The following TIAM2 variants were observed in gnomAD, a reference collection of about 807,000 sequenced individuals.
TIAM2 encodes rho guanine nucleotide exchange factor TIAM2.
TIAM2 carries 80 observed loss-of-function variants against 152.9 expected under a neutral mutation model. The ratio of observed to expected loss-of-function variants is 0.52; its 90% CI spans 0.44 to 0.63. The LOEUF is 0.63. TIAM2 is among the 30% of genes least tolerant of loss of function. The pLI, the probability that TIAM2 is intolerant of heterozygous loss-of-function variation, is 0.00. For synonymous variants in TIAM2, 804 were observed against 838.0 expected (o/e 0.96, Z 0.70); for missense variants, 1,965 against 2,120.1 (o/e 0.93, Z 1.44).
At chr6:155,119,104 G>A (rs1019125825) in intron 2 of TIAM2, among the ~76,000 whole-genome samples, 2 of 150,590 alleles carry the variant, frequency 1.3e-5, no homozygotes, top group Admixed American at 6.6e-5. Flanking sequence ...GCGCGATCTC[G>A]GCTCACTACA....
intron 15 of TIAM2, among the ~76,000 whole-genome samples, chr6:155,234,306 TATTTACTTTTAGAG>T (rs1392951278): frequency 1.3e-5 from 2 of 152,216 alleles, no homozygotes; most frequent in Non-Finnish European, 2.9e-5. Context: ...TGCTTTTATT[TATTTACTTTTAGAG>T]ATAGAGCCTC....
chr6:155,159,783 A>ATTC (rs34966623), intron 7 of TIAM2, among the ~76,000 whole-genome samples: 70,622 of 151,748 alleles, frequency 0.47, 16,877 homozygotes, highest in East Asian at 0.55. Flanking sequence ...TTTCATATTG[A>ATTC]TTATTTAACC....
chr6:155,173,638 A>C (rs1780689450), intron 9 of TIAM2, among the ~76,000 whole-genome samples: 1 of 152,184 alleles, frequency 6.6e-6, no homozygotes, highest in Admixed American at 6.5e-5. Flanking sequence ...CCAGCTCAGC[A>C]CTGAAGTTTT....
chr6:155,000,358 C>T (rs1778292251), intron 1 of TIAM2, among the ~76,000 whole-genome samples: 1 of 151,780 alleles, frequency 6.6e-6, no homozygotes, highest in Non-Finnish European at 1.5e-5. Context: ...ATGGAGAAAC[C>T]CCGTCTTTAC....
At chr6:155,017,098 C>G (rs985215926) in intron 1 of TIAM2, among the ~76,000 whole-genome samples, 3 of 152,060 alleles carry the variant, frequency 2.0e-5, no homozygotes, top group African/African-American at 7.2e-5. Context: ...AAGTTCGAGA[C>G]TAGAATTCCT....
intron 1 of TIAM2, among the ~76,000 whole-genome samples, chr6:155,070,492 C>T (rs1388218188): frequency 6.6e-6 from 1 of 152,120 alleles, no homozygotes; most frequent in Non-Finnish European, 1.5e-5. Flanking sequence ...GCTGGGATTA[C>T]AGGCATGAGC....
intron 1 of TIAM2, among the ~76,000 whole-genome samples, chr6:155,047,718 A>AGC (rs1777225178): frequency 2.4e-5 from 3 of 124,844 alleles, no homozygotes; most frequent in African/African-American, 9.1e-5. Flanking sequence ...AGAGAGAGAG[A>AGC]GAGAGAGCGA....
chr6:155,213,558 A>G lies in TIAM2; in HGVS notation c.3168+2251A>G, dbSNP rs972875686. Among the ~76,000 whole-genome samples the G allele has an allele frequency of 2.0e-5, 3 of 152,202 alleles. No individual in the cohort carries two copies. The highest frequency in any genetic ancestry group is 2.9e-5 in the Non-Finnish European group (2 of 68,040). ...CATGAGCAGACCCAGAAAAAGCTCCATAAGTTCCCACTCTGGTCTGTGGGA... is the reference window on the plus strand; with the variant it reads ...CATGAGCAGACCCAGAAAAAGCTCCGTAAGTTCCCACTCTGGTCTGTGGGA... On this transcript the variant is annotated intron_variant, in intron 15 of 26. Transcript: ENST00000682666. The surrounding 1 kb of genome is among the most constrained non-coding windows in gnomAD (Gnocchi z 4.2).
chr6:155,063,122 A>AT (rs149662143), intron 1 of TIAM2, among the ~76,000 whole-genome samples: 14,557 of 149,890 alleles, frequency 0.097, 909 homozygotes, highest in East Asian at 0.24. Flanking sequence ...GTGACTTGTC[A>AT]TTTTTTTTTT....
At chr6:155,109,528 T>C (rs1187572225) in intron 2 of TIAM2, among the ~76,000 whole-genome samples, 2 of 152,254 alleles carry the variant, frequency 1.3e-5, no homozygotes, top group African/African-American at 2.4e-5. Context: ...TGTCTGACTG[T>C]TGAATTCTAT....
chr6:155,028,806 CTA>C (rs1267247428), intron 1 of TIAM2, among the ~76,000 whole-genome samples: 1 of 130,250 alleles, frequency 7.7e-6, no homozygotes, highest in Non-Finnish European at 1.5e-5. Flanking sequence ...GTGTTATATA[CTA>C]TATATAATAT....
intron 2 of TIAM2, among the ~76,000 whole-genome samples, chr6:155,124,753 C>T (rs1779251798): frequency 6.6e-6 from 1 of 152,130 alleles, no homozygotes; most frequent in Non-Finnish European, 1.5e-5. Context: ...CAGCTGCCTA[C>T]TAAAAGGTAG....
In TIAM2 at chr6:155,047,716, A is replaced by C. The variant is rs1422499673; in HGVS notation, c.-208-42573A>C. The stretch of plus-strand genomic sequence containing the variant: ...GAGAGAGAGAGAGAGCGAGAGAGAG[A>C]GAGAGAGAGCGAGAGAGAGAGAGAG... On this transcript the variant is annotated intron_variant, in intron 1 of 26. Coordinates refer to ENST00000682666, the MANE Select transcript of TIAM2 (RefSeq NM_012454.4). Among the ~76,000 whole-genome samples the C allele has an allele frequency of 9.6e-3, 1,315 of 136,570 alleles. 69 individuals carry two copies. Among genetic ancestry groups the C allele is most frequent in the African/African-American group, 0.011 (403 of 36,740 alleles). The allele number at this position is 136,570 out of a possible 152,430, so 89.6% of individuals were successfully genotyped here. A position where few individuals can be genotyped will look rare whatever the true frequency, so the allele number is the denominator to read the frequency against.
chr6:155,019,829 C>T (rs1217421712), intron 1 of TIAM2, among the ~76,000 whole-genome samples: 8 of 152,080 alleles, frequency 5.3e-5, no homozygotes, highest in Non-Finnish European at 8.8e-5. Context: ...CCGAGGCGGG[C>T]GGATCACGAG....
chr6:155,250,156 G>GT (rs1474976587), intron 21 of TIAM2, among the ~76,000 whole-genome samples, 187 bp downstream of exon 21: 1 of 152,102 alleles, frequency 6.6e-6, no homozygotes, highest in Non-Finnish European at 1.5e-5. Context: ...CATTACACTG[G>GT]TTTAAAATAT....
rs1562316893 is a variant in TIAM2, at chr6:155,104,040, A to ACACCC, written c.-118+13662_-118+13663insACCCC. On this transcript the variant is annotated intron_variant, in intron 2 of 26. Transcript: ENST00000682666. ...TTCTGTATTTACCTCACACACACACACCCCCCCCCCCACACCCCCACACAC... is the reference window on the plus strand; with the variant it reads ...TTCTGTATTTACCTCACACACACACACACCCCCCCCCCCCCCACACCCCCACACAC... 5.3e-3 allele frequency among the ~76,000 whole-genome samples: 304 copies of ACACCC among 57,660 alleles called. 32 individuals carry two copies. Among genetic ancestry groups the ACACCC allele is most frequent in the African/African-American group, 6.3e-3 (82 of 12,980 alleles). The allele number at this position is 57,660 out of a possible 152,430, so 37.8% of individuals were successfully genotyped here.
rs1258385347 is a variant in TIAM2 at position 155,252,801 on chromosome 6, A to G, written c.4120-147A>G. On this transcript the variant is annotated intron_variant, in intron 23 of 26. Coordinates refer to ENST00000682666, the MANE Select transcript of TIAM2 (RefSeq NM_012454.4). ...TGAGGTCTTTGAGAACTGGGTGCGT[A>G]GCTGATTGACTTCTGTGCCCTGAAC... 6.2e-6 allele frequency: 4 copies of G among 649,012 alleles called. No homozygotes were observed. The South Asian group carries it at 7.8e-5, about 13-fold the overall frequency. 40.2% of individuals were successfully genotyped at this position (649,012 alleles called of 1,614,324 possible).
chr6:155,137,588 A>C lies in TIAM2; in HGVS notation c.1606A>C (p.Lys536Gln). 6.2e-7 allele frequency: 1 copy of C among 1,603,972 alleles called. No homozygotes were observed. Among genetic ancestry groups the C allele is most frequent in the Non-Finnish European group, 8.5e-7 (1 of 1,178,586 alleles). ...TGAGCTGGTGGCACGAAGGAAATGGAAACAGTACTGGGTAACGCTGAAAGG... is the reference window on the plus strand; with the variant it reads ...TGAGCTGGTGGCACGAAGGAAATGGCAACAGTACTGGGTAACGCTGAAAGG... ...KLELVARRKW[K>Q]QYWVTLKGCT... Residue 536 changes from lysine (K) to glutamine (Q), a missense_variant, in exon 5 of 27, where the codon AAA becomes CAA. Lys to Gln is a moderately conservative substitution (Grantham distance 53). Coordinates refer to ENST00000682666, the MANE Select transcript of TIAM2 (RefSeq NM_012454.4).
chr6:155,191,519 C>T (rs1006918122), intron 14 of TIAM2, among the ~76,000 whole-genome samples: 4 of 152,078 alleles, frequency 2.6e-5, no homozygotes, highest in East Asian at 1.9e-4. Context: ...TGGCTGGGCG[C>T]GGTGGCTCAT....
Sources: allele counts gnomAD v4.1 joint callset (sites outside exome capture counted in the v4.1 genomes callset), GRCh38; gene constraint gnomAD v4.1.1; non-coding constraint Gnocchi (gnomAD v3.1); transcripts MANE v1.5; gene names NCBI Gene and HGNC (gene_info 2026-07-23, HGNC 2026-07-21).